The following SIRPB1 variants were observed in gnomAD, a reference collection of about 807,000 sequenced individuals.
The protein encoded by SIRPB1 is signal regulatory protein beta 1, also known as signal-regulatory protein beta-1.
A neutral mutation model predicts 34.1 loss-of-function variants in SIRPB1; 28 were observed. The ratio of observed to expected loss-of-function variants is 0.82; its 90% CI spans 0.61 to 1.12. SIRPB1 has a LOEUF of 1.12. Ranked by LOEUF, SIRPB1 falls within the 50% of genes most tolerant of loss-of-function variation. The pLI, the probability that SIRPB1 is intolerant of heterozygous loss-of-function variation, is 0.00. For synonymous variants in SIRPB1, 211 were observed against 203.8 expected (o/e 1.04, Z -0.30); for missense variants, 499 against 507.0 (o/e 0.98, Z 0.15).
Position 1,566,239 on chromosome 20 carries a change from G to C in SIRPB1, c.1113C>G (p.Leu371=), listed in dbSNP as rs538384111. 4 of 1,610,242 alleles carry C rather than the reference G, an allele frequency of 2.5e-6. No homozygotes were observed. Among genetic ancestry groups the C allele is most frequent in the Non-Finnish European group, 3.4e-6 (4 of 1,178,460 alleles). The stretch of plus-strand genomic sequence containing the variant: ...TGGGGCCCAGGAGGAGAGCTACGAG[G>C]AGTGGAGCAGTAGGAGCCAGCGCTG... The part of the protein sequence containing the change: ...HEAALAPTAP[L]LVALLLGPKL... The change falls in exon 5 of 6, where the codon CTC becomes CTG. Residue 371 remains leucine, a synonymous_variant. Transcript: ENST00000381605.
chr20:1,616,044 C>T (rs1308361807), intron 1 of SIRPB1, among the ~76,000 whole-genome samples: 1 of 152,062 alleles, frequency 6.6e-6, no homozygotes, highest in Admixed American at 6.5e-5. Flanking sequence ...ACAAAAAAAG[C>T]TATAACACCC....
rs12479784 is a variant in SIRPB1, at chr20:1,580,693, A to G, written c.77-1999T>C. Among the ~76,000 whole-genome samples the G allele has an allele frequency of 1.8e-4, 9 of 49,080 alleles. 1 individual carries two copies. Among genetic ancestry groups the G allele is most frequent in the African/African-American group, 1.1e-3 (8 of 7,422 alleles). The allele number at this position is 49,080 out of a possible 152,430, so 32.2% of individuals were successfully genotyped here. A position where few individuals can be genotyped will look rare whatever the true frequency, so the allele number is the denominator to read the frequency against. On this transcript the variant is annotated intron_variant, in intron 1 of 5. Coordinates refer to ENST00000381605, the MANE Select transcript of SIRPB1 (RefSeq NM_006065.5). ...ACAGAATCTAAGGGAATTGTGAGAC[A>G]TTATCAAATGTATCAACATACACCT...
At position 1,563,764 on chromosome 20, in the gene SIRPB1, G is replaced by A. The variant is rs368444254; in HGVS notation, c.*1736C>T. 4 of 152,062 alleles carry A rather than the reference G, an allele frequency of 2.6e-5. No individual in the cohort carries two copies. 9.4% of individuals were successfully genotyped at this position (152,062 alleles called of 1,614,324 possible). On this transcript the variant is annotated 3_prime_UTR_variant, in exon 6 of 6. Coordinates refer to ENST00000381605, the MANE Select transcript of SIRPB1 (RefSeq NM_006065.5). ...AGAGAGAGAGAGCGAAGGGGGACTT[G>A]CCACACACTTTCAAAAAACCAGATC...
At chr20:1,568,929 G>GA (rs2091183699) in intron 4 of SIRPB1, among the ~76,000 whole-genome samples, 1 of 151,816 alleles carries the variant, frequency 6.6e-6, no homozygotes, top group South Asian at 2.1e-4. Flanking sequence ...AATAAAATGG[G>GA]AAAAAACTCT....
rs762669905 is a variant in SIRPB1 at position 1,578,556 on chromosome 20, C to G, written c.215G>C (p.Gly72Ala). The G allele has an allele frequency of 3.8e-6, 6 of 1,584,120 alleles. No individual in the cohort carries two copies. In the East Asian group the frequency reaches 6.7e-5, roughly 18 times the overall value. ...VGPIMWFRGAGAGRELIYNQK... is the reference protein window; with the variant it reads ...VGPIMWFRGAAAGRELIYNQK... ...ATTGTAGATTAATTCCCGGCCTGCT[C>G]CAGCTCCTCTAAACCACATGATGGG... is the stretch of plus-strand genomic sequence containing the variant. The change falls in exon 2 of 6, where the codon GGA becomes GCA. Residue 72 changes from glycine (G) to alanine (A), a missense_variant. Physicochemically the swap from Gly to Ala is moderately conservative, Grantham distance 60. Coordinates refer to ENST00000381605, the MANE Select transcript of SIRPB1 (RefSeq NM_006065.5).
At chr20:1,617,648 C>T (rs934658104) in intron 1 of SIRPB1, among the ~76,000 whole-genome samples, 2 of 152,032 alleles carry the variant, frequency 1.3e-5, no homozygotes, top group Middle Eastern at 3.2e-3. Flanking sequence ...TAACACAATT[C>T]GTAACCTCAA....
At chr20:1,570,504 C>T (rs928330829) in intron 4 of SIRPB1, 26 of 252,154 alleles carry the variant, frequency 1.0e-4, no homozygotes, top group African/African-American at 4.1e-4. Context: ...CATAAACAAA[C>T]GGATCACCTC....
intron 1 of SIRPB1, among the ~76,000 whole-genome samples, chr20:1,616,042 A>G (rs1215728722): frequency 3.3e-5 from 5 of 152,254 alleles, no homozygotes; most frequent in Non-Finnish European, 7.3e-5. Flanking sequence ...CCACAAAAAA[A>G]GCTATAACAC....
rs1480423694 is a variant in SIRPB1, at chr20:1,580,563, C to G, written c.77-1869G>C. ...CTAAAAGTTCACTAGAGGGGTCCCC[C>G]CAATGGGTATAAGCCGGTGGAAGAA... On this transcript the variant is annotated intron_variant, in intron 1 of 5. Transcript: ENST00000381605. Among the ~76,000 whole-genome samples, 2 of 49,682 alleles carry G rather than the reference C, an allele frequency of 4.0e-5. 1 individual carries two copies. The highest frequency in any genetic ancestry group is 7.8e-5 in the Non-Finnish European group (2 of 25,554). 32.6% of individuals were successfully genotyped at this position (49,682 alleles called of 152,430 possible).
Position 1,609,877 on chromosome 20 carries a change from C to A in SIRPB1, c.76+9992G>T, listed in dbSNP as rs1041515525. Among the ~76,000 whole-genome samples the A allele has an allele frequency of 4.1e-5, 3 of 72,802 alleles. 1 individual carries two copies. The highest frequency in any genetic ancestry group is 2.6e-4 in the African/African-American group (3 of 11,520). The allele number at this position is 72,802 out of a possible 152,430, so 47.8% of individuals were successfully genotyped here. A position where few individuals can be genotyped will look rare whatever the true frequency, so the allele number is the denominator to read the frequency against. ...ATTCTCAAATATGAAAACACACTAT[C>A]CTGTGACCTAGGAACGCCACTTCCA... On this transcript the variant is annotated intron_variant, in intron 1 of 5. Transcript: ENST00000381605.
chr20:1,578,244 C>T, intron 2 of SIRPB1, 94 bp downstream of exon 2: 1 of 1,374,290 alleles, frequency 7.3e-7, no homozygotes, highest in South Asian at 1.2e-5. Context: ...TGCTCAGCCA[C>T]CACCACACCT....
At position 1,583,764 on chromosome 20, in the gene SIRPB1, G is replaced by C. The variant is rs1358563869; in HGVS notation, c.77-5070C>G. On this transcript the variant is annotated intron_variant, in intron 1 of 5. Transcript: ENST00000381605. The stretch of plus-strand genomic sequence containing the variant: ...GAAGTAGAAAGGAGGGAGAATGACT[G>C]GGCAACAGAGAAAATCAAACATCTC... Among the ~76,000 whole-genome samples, 2 of 47,116 alleles carry C rather than the reference G, an allele frequency of 4.2e-5. 1 individual carries two copies. The highest frequency in any genetic ancestry group is 8.1e-5 in the Non-Finnish European group (2 of 24,820). 30.9% of individuals were successfully genotyped at this position (47,116 alleles called of 152,430 possible).
intron 3 of SIRPB1, 86 bp from the exon 4 acceptor site, chr20:1,571,223 G>T (rs2091231467): frequency 4.5e-6 from 6 of 1,345,826 alleles, no homozygotes; most frequent in Non-Finnish European, 5.1e-6. Context: ...CACCAACACA[G>T]TGAGGGCATC....
Position 1,599,939 on chromosome 20 carries a change from CT to C in SIRPB1, c.76+19929del, listed in dbSNP as rs1202135349. Among the ~76,000 whole-genome samples the C allele has an allele frequency of 1.8e-4, 9 of 50,166 alleles. 4 individuals are homozygous for C. Among genetic ancestry groups the C allele is most frequent in the Non-Finnish European group, 2.7e-4 (7 of 25,670 alleles). 32.9% of individuals were successfully genotyped at this position (50,166 alleles called of 152,430 possible). On this transcript the variant is annotated intron_variant, in intron 1 of 5. Coordinates refer to ENST00000381605, the MANE Select transcript of SIRPB1 (RefSeq NM_006065.5). ...CCAACCTAGCTTTGGAATAAATTCA[CT>C]TTTTTTTGTATCAGACCTCGCGCTC...
chr20:1,569,710 C>A (rs1813257128), intron 4 of SIRPB1, among the ~76,000 whole-genome samples: 1 of 152,104 alleles, frequency 6.6e-6, no homozygotes, highest in Non-Finnish European at 1.5e-5. Context: ...AAGATTGGGC[C>A]CCAGCCATCA....
chr20:1,600,226 A>T lies in SIRPB1; in HGVS notation c.76+19643T>A, dbSNP rs1418007164. ...AACCCCAGAGCAGGTGCCATCTGAA[A>T]TCTCTCTGTTGGACACACAGTCAGA... On this transcript the variant is annotated intron_variant, in intron 1 of 5. Coordinates refer to ENST00000381605, the MANE Select transcript of SIRPB1 (RefSeq NM_006065.5). Among the ~76,000 whole-genome samples, 3 of 49,818 alleles carry T rather than the reference A, an allele frequency of 6.0e-5. 1 individual carries two copies. Among genetic ancestry groups the T allele is most frequent in the Non-Finnish European group, 1.2e-4 (3 of 25,610 alleles). 32.7% of individuals were successfully genotyped at this position (49,818 alleles called of 152,430 possible).
intron 2 of SIRPB1, among the ~76,000 whole-genome samples, chr20:1,572,482 C>T (rs1377008982): frequency 6.6e-6 from 1 of 150,802 alleles, no homozygotes; most frequent in Non-Finnish European, 1.5e-5. Context: ...GCTGCTCAGC[C>T]CAGGACAGGG....
rs2091094051 is a variant in SIRPB1 at position 1,563,213 on chromosome 20, G to C, written c.*2287C>G. Among the ~76,000 whole-genome samples the C allele has an allele frequency of 6.6e-6, 1 of 152,198 alleles. No homozygotes were observed. Among genetic ancestry groups the C allele is most frequent in the East Asian group, 1.9e-4 (1 of 5,198 alleles). On this transcript the variant is annotated 3_prime_UTR_variant, in exon 6 of 6. Coordinates refer to ENST00000381605, the MANE Select transcript of SIRPB1 (RefSeq NM_006065.5). ...GGTATAATAGAAATGATGCTTGCTG[G>C]CTAGGCATGGTGGCTCATGCCTGTA...
Position 1,579,189 on chromosome 20 carries a change from C to G in SIRPB1, c.77-495G>C, listed in dbSNP as rs1174051360. On this transcript the variant is annotated intron_variant, in intron 1 of 5. Coordinates refer to ENST00000381605, the MANE Select transcript of SIRPB1 (RefSeq NM_006065.5). ...GTGGTCTCTAACTCTTGGGCTCAAG[C>G]AAACCATCTGCCTTGGCCTTTCAAA... 2.7e-5 allele frequency among the ~76,000 whole-genome samples: 4 copies of G among 148,150 alleles called. 1 individual carries two copies. The highest frequency in any genetic ancestry group is 6.0e-5 in the Non-Finnish European group (4 of 66,170).
Sources: gnomAD v4.1 joint callset for allele counts (sites outside exome capture counted in the v4.1 genomes callset) on GRCh38, gnomAD v4.1.1 for gene constraint, MANE v1.5 for transcripts, NCBI Gene and HGNC (gene_info 2026-07-23, HGNC 2026-07-21) for gene names.